PPP1R9A: variants seen among roughly 807,000 people sequenced by gnomAD.
PPP1R9A encodes the protein protein phosphatase 1 regulatory subunit 9A, also known as neurabin-1.
PPP1R9A carries 59 observed loss-of-function variants against 141.9 expected under a neutral mutation model. The ratio of observed to expected loss-of-function variants is 0.42; its 90% CI spans 0.34 to 0.52. The LOEUF is 0.52. PPP1R9A is among the 20% of genes least tolerant of loss of function. PPP1R9A has a pLI of 0.10. For synonymous variants in PPP1R9A, 500 were observed against 569.7 expected (o/e 0.88, Z 1.74); for missense variants, 1,444 against 1,611.9 (o/e 0.90, Z 1.78).
chr7:95,058,471 G>A (rs1245189916), intron 2 of PPP1R9A, among the ~76,000 whole-genome samples: 2 of 152,150 alleles, frequency 1.3e-5, no homozygotes, highest in African/African-American at 4.8e-5. Flanking sequence ...ACTGAGAAGA[G>A]AAGAGGGCTG....
chr7:95,062,784 A>G (rs778701718), intron 2 of PPP1R9A, among the ~76,000 whole-genome samples: 2 of 151,276 alleles, frequency 1.3e-5, no homozygotes, highest in African/African-American at 2.4e-5. Context: ...TTCTGCTTCT[A>G]TGTTTTAAAA....
chr7:95,036,760 G>A (rs538526219), intron 2 of PPP1R9A: 4 of 152,304 alleles, frequency 2.6e-5, no homozygotes, highest in South Asian at 2.1e-4. Context: ...TTGCAGAAGC[G>A]AATTCTCATC....
intron 2 of PPP1R9A, among the ~76,000 whole-genome samples, chr7:94,992,672 T>C (rs1040507917): frequency 6.6e-6 from 1 of 152,192 alleles, no homozygotes; most frequent in African/African-American, 2.4e-5. Context: ...TTGTAATAGA[T>C]ATGTAGTAGA....
intron 8 of PPP1R9A, among the ~76,000 whole-genome samples, chr7:95,228,497 A>G (rs1795456070): frequency 6.6e-6 from 1 of 152,128 alleles, no homozygotes; most frequent in Admixed American, 6.6e-5. Context: ...ATTATTATCT[A>G]AAGAATTTGT....
intron 2 of PPP1R9A, among the ~76,000 whole-genome samples, chr7:94,967,830 T>G (rs1159829897): frequency 6.6e-6 from 1 of 152,176 alleles, no homozygotes; most frequent in African/African-American, 2.4e-5. Flanking sequence ...TTACTTCCAA[T>G]TATGTGGTCA....
intron 1 of PPP1R9A, chr7:94,908,296 T>C (rs1365141218): frequency 6.6e-4 from 101 of 152,072 alleles, no homozygotes; most frequent in Non-Finnish European, 4.4e-5. Flanking sequence ...GTGGGATCTA[T>C]TGTTTCCTGG....
intron 2 of PPP1R9A, among the ~76,000 whole-genome samples, chr7:94,978,860 G>C (rs1167949017): frequency 1.3e-5 from 2 of 152,138 alleles, no homozygotes; most frequent in African/African-American, 4.8e-5. Flanking sequence ...GCAGTGGCGT[G>C]ATCTCAGCTC....
At chr7:95,256,162 A>T (rs2153019247) in intron 12 of PPP1R9A, among the ~76,000 whole-genome samples, 1 of 151,718 alleles carries the variant, frequency 6.6e-6, no homozygotes, top group African/African-American at 2.4e-5. Context: ...AATATACTCC[A>T]GCCTGAGTGA....
intron 5 of PPP1R9A, among the ~76,000 whole-genome samples, chr7:95,189,090 T>G (rs1835081546): frequency 6.6e-6 from 1 of 152,180 alleles, no homozygotes; most frequent in Non-Finnish European, 1.5e-5. Flanking sequence ...AGTATTTTGT[T>G]TGAGGATGCT....
intron 2 of PPP1R9A, among the ~76,000 whole-genome samples, chr7:94,948,280 G>A (rs889488704): frequency 1.3e-5 from 2 of 152,112 alleles, no homozygotes; most frequent in Non-Finnish European, 2.9e-5. Flanking sequence ...GGAGGGACAG[G>A]CCAAATGTGC....
chr7:95,189,473 G>A (rs1337148887), intron 5 of PPP1R9A, among the ~76,000 whole-genome samples: 1 of 116,624 alleles, frequency 8.6e-6, no homozygotes, highest in Admixed American at 1.2e-4. Flanking sequence ...GTCTCGCTCT[G>A]TCGCCCAGGC....
At chr7:94,960,142 A>G (rs1252922884) in intron 2 of PPP1R9A, among the ~76,000 whole-genome samples, 3 of 149,142 alleles carry the variant, frequency 2.0e-5, no homozygotes, top group Non-Finnish European at 4.5e-5. Flanking sequence ...AGATCCTTGA[A>G]CTATATGGAC....
chr7:95,277,722 C>T (rs1301547486), intron 16 of PPP1R9A, among the ~76,000 whole-genome samples: 1 of 152,230 alleles, frequency 6.6e-6, no homozygotes, highest in South Asian at 2.1e-4. Flanking sequence ...CCACTACACC[C>T]AGCCAACATT....
At chr7:94,944,950 T>C (rs1795739007) in intron 2 of PPP1R9A, among the ~76,000 whole-genome samples, 1 of 152,014 alleles carries the variant, frequency 6.6e-6, no homozygotes, top group Admixed American at 6.6e-5. Flanking sequence ...ATAATGTCTG[T>C]GTTTGATAAG....
intron 2 of PPP1R9A, among the ~76,000 whole-genome samples, chr7:95,048,569 G>C (rs933783610): frequency 2.0e-5 from 3 of 151,750 alleles, no homozygotes; most frequent in Non-Finnish European, 4.4e-5. Flanking sequence ...TTGAGACAGA[G>C]TCTCATTCTG....
At chr7:94,920,651 C>T (rs1399756709) in intron 2 of PPP1R9A, among the ~76,000 whole-genome samples, 1 of 152,056 alleles carries the variant, frequency 6.6e-6, no homozygotes, top group Non-Finnish European at 1.5e-5. Flanking sequence ...AGTTTTGTGC[C>T]GGGGAAAGCT....
rs573692854 is a variant in PPP1R9A at position 94,938,428 on chromosome 7, GA to G, written c.1395+26921del. On this transcript the variant is annotated intron_variant, in intron 2 of 19. Coordinates refer to ENST00000433360, the MANE Select transcript of PPP1R9A (RefSeq NM_001166160.2). ...TTACTGTTCAATTTTTTGCCATTCA[GA>G]CATACCTGATGCTTTCAGAAGGTTT... Among the ~76,000 whole-genome samples, 20 of 152,168 alleles carry G rather than the reference GA, an allele frequency of 1.3e-4. No homozygotes were observed. The East Asian group carries it at 2.3e-3, about 18-fold the overall frequency.
intron 2 of PPP1R9A, among the ~76,000 whole-genome samples, chr7:95,062,918 G>A (rs941056194): frequency 2.0e-5 from 3 of 152,166 alleles, no homozygotes; most frequent in African/African-American, 7.2e-5. Flanking sequence ...GCAGATGGGG[G>A]ACTGCAGGGT....
chr7:95,068,473 GAAA>G (rs36043693), intron 2 of PPP1R9A, among the ~76,000 whole-genome samples: 17 of 94,212 alleles, frequency 1.8e-4, no homozygotes, highest in Admixed American at 1.4e-3. Context: ...CTTGTCTCAA[GAAA>G]AAAAAAAAAA....
Sources: allele counts gnomAD v4.1 joint callset (sites outside exome capture counted in the v4.1 genomes callset), GRCh38; gene constraint gnomAD v4.1.1; transcripts MANE v1.5; gene names NCBI Gene and HGNC (gene_info 2026-07-23, HGNC 2026-07-21).